PML: variants seen among roughly 807,000 people sequenced by gnomAD.
PML encodes PML nuclear body scaffold, also known as protein PML.
Under a neutral mutation model 65.2 loss-of-function variants are expected in PML, and 28 were observed. That is an observed-to-expected ratio of 0.43 (90% CI 0.32 to 0.59). The LOEUF (loss-of-function observed/expected upper bound fraction) is 0.59. Ranked by LOEUF, PML falls within the 20% of genes least tolerant of loss-of-function variation. The pLI, the probability that PML is intolerant of heterozygous loss-of-function variation, is 0.08. For missense variants in PML, 1,021 were observed against 1,203.4 expected, an observed-to-expected ratio of 0.85 and a Z score of 2.24; for synonymous variants, 500 against 508.8, an observed-to-expected ratio of 0.98 and a Z score of 0.23.
At chr15:74,036,487 G>A (rs1595919268) in intron 7 of PML, 1 of 1,212,136 alleles carries the variant, frequency 8.2e-7, no homozygotes, top group African/African-American at 1.5e-5. Context: ...CTGGAACTCA[G>A]TTCTCCTCTG....
chr15:74,016,122 CA>C (rs1381086965), intron 2 of PML, among the ~76,000 whole-genome samples: 2 of 151,952 alleles, frequency 1.3e-5, no homozygotes, highest in African/African-American at 4.8e-5. Flanking sequence ...ACTAAAAATA[CA>C]AAAATTAGCT....
chr15:74,025,079 A>T (rs1567131563), intron 4 of PML, 152 bp downstream of exon 4: 2 of 656,520 alleles, frequency 3.0e-6, no homozygotes, highest in Non-Finnish European at 5.6e-6. Flanking sequence ...GAAGTAAAGG[A>T]AGACATTAAA....
In PML at chr15:74,033,138, G is replaced by C. The variant is rs1400632985; in HGVS notation, c.1399-18G>C. On this transcript the variant is annotated intron_variant, in intron 5 of 8. Transcript: ENST00000268058. ...CCCTGCAGGCACCTGACCTGGCTCT[G>C]TGACTCCCTCTATGCAGGATGTCTC... 8.1e-6 allele frequency: 13 copies of C among 1,613,698 alleles called. No homozygotes were observed. Among genetic ancestry groups the C allele is most frequent in the Non-Finnish European group, 1.1e-5 (13 of 1,179,908 alleles).
chr15:74,013,074 C>T (rs1329573933), intron 2 of PML, among the ~76,000 whole-genome samples: 1 of 152,066 alleles, frequency 6.6e-6, no homozygotes, highest in African/African-American at 2.4e-5. Context: ...ATTTTTTATT[C>T]TTGAAATTTA....
At position 74,044,384 on chromosome 15, in the gene PML, C is replaced by T. The variant is rs61751123; in HGVS notation, c.2025C>T (p.Ala675=). The change falls in exon 9 of 9, where the codon GCC becomes GCT. Residue 675 remains alanine (A), a synonymous_variant. Coordinates refer to ENST00000268058, the MANE Select transcript of PML (RefSeq NM_033238.3). ...FLSSMRRPIL[A]CYKLWGPGLP... ...GCTCCATGCGCCGCCCTATCTTGGC[C>T]TGCTACAAGCTGTGGGGGCCTGGCC... The T allele has an allele frequency of 0.012, 19,477 of 1,614,222 alleles. 164 individuals carry two copies. Among genetic ancestry groups the T allele is most frequent in the African/African-American group, 0.032 (2,404 of 75,068 alleles).
At chr15:74,018,831 A>G (rs1356915524) in intron 2 of PML, among the ~76,000 whole-genome samples, 1 of 152,210 alleles carries the variant, frequency 6.6e-6, no homozygotes, top group Non-Finnish European at 1.5e-5. Flanking sequence ...AGTATTCCAG[A>G]AGCAAATAGA....
intron 1 of PML, among the ~76,000 whole-genome samples, chr15:73,995,710 T>G (rs1388907302): frequency 2.0e-5 from 3 of 152,152 alleles, no homozygotes; most frequent in African/African-American, 4.8e-5. Flanking sequence ...ACTTTGGTTT[T>G]TTTTTGTTGT....
chr15:74,030,678 A>C (rs1054688961), intron 4 of PML, among the ~76,000 whole-genome samples: 1 of 151,892 alleles, frequency 6.6e-6, no homozygotes, highest in African/African-American at 2.4e-5. Flanking sequence ...AAACGAACAA[A>C]AAACACTAGA....
In PML at chr15:74,043,380, G is replaced by C; in HGVS notation, c.1861+241G>C. ...GCGAGAGAGGCAGATGCCTCCACAA[G>C]TGCACCTCTGACCAGTTCTTCTCTC... is the stretch of plus-strand genomic sequence containing the variant. On this transcript the variant is annotated intron_variant, in intron 8 of 8. Coordinates refer to ENST00000268058, the MANE Select transcript of PML (RefSeq NM_033238.3). This position sits in a 1 kb window ranked among gnomAD's most constrained non-coding sequence, Gnocchi z 4.3. The C allele has an allele frequency of 1.4e-6, 2 of 1,435,786 alleles. No homozygotes were observed. Among genetic ancestry groups the C allele is most frequent in the South Asian group, 3.0e-5 (2 of 66,616 alleles). 88.9% of individuals were successfully genotyped at this position (1,435,786 alleles called of 1,614,324 possible). A position where few individuals can be genotyped will look rare whatever the true frequency, so the allele number is the denominator to read the frequency against.
intron 1 of PML, among the ~76,000 whole-genome samples, chr15:73,997,317 T>G (rs2069556569): frequency 6.6e-6 from 1 of 152,210 alleles, no homozygotes; most frequent in African/African-American, 2.4e-5. Context: ...CAGACCCTAT[T>G]CTCCTGCCTC....
chr15:74,008,385 A>C (rs2070163222), intron 2 of PML, among the ~76,000 whole-genome samples: 2 of 152,136 alleles, frequency 1.3e-5, no homozygotes, highest in Admixed American at 1.3e-4. Context: ...TAATCTTCTC[A>C]CCAGTGACTA....
Position 74,044,729 on chromosome 15 carries a change from G to A in PML, c.2370G>A (p.Leu790=), listed in dbSNP as rs763500341. The A allele has an allele frequency of 6.2e-7, 1 of 1,609,984 alleles. No homozygotes were observed. The highest frequency in any genetic ancestry group is 1.1e-5 in the South Asian group (1 of 91,074). Residue 790 remains leucine (L), a synonymous_variant, in exon 9 of 9, where the codon CTG becomes CTA. Coordinates refer to ENST00000268058, the MANE Select transcript of PML (RefSeq NM_033238.3). ...SLQPLVQAAV[L]PRAEARLLAL... ...AGCCCCTGGTGCAGGCAGCTGTGCTGCCCCGGGCTGAGGCCCGCCTCCTGG... is the reference window on the plus strand; with the variant it reads ...AGCCCCTGGTGCAGGCAGCTGTGCTACCCCGGGCTGAGGCCCGCCTCCTGG...
At chr15:74,011,301 GT>G (rs1282503917) in intron 2 of PML, among the ~76,000 whole-genome samples, 3 of 152,182 alleles carry the variant, frequency 2.0e-5, no homozygotes, top group Non-Finnish European at 4.4e-5. Context: ...GGCTAGGGGG[GT>G]TCTCAGATTA....
chr15:74,027,255 A>C (rs1022433895), intron 4 of PML: 1 of 152,262 alleles, frequency 6.6e-6, no homozygotes, highest in African/African-American at 2.4e-5. Context: ...GCAAATAAAT[A>C]ATATAAAATA....
chr15:74,004,809 C>T (rs2069959140), intron 2 of PML, among the ~76,000 whole-genome samples: 1 of 151,698 alleles, frequency 6.6e-6, no homozygotes, highest in Non-Finnish European at 1.5e-5. Flanking sequence ...CAGGCTCAAG[C>T]AGTTCTCATG....
chr15:74,023,436 G>A (rs902199912), intron 3 of PML, 28 bp downstream of exon 3: 100 of 1,564,724 alleles, frequency 6.4e-5, no homozygotes, highest in Non-Finnish European at 8.5e-5. Flanking sequence ...CTTCCTGGGC[G>A]GCCTGTGCCT....
intron 2 of PML, among the ~76,000 whole-genome samples, chr15:74,014,027 T>A (rs1236148008): frequency 1.3e-5 from 2 of 152,292 alleles, no homozygotes; most frequent in East Asian, 3.9e-4. Context: ...GCTTAAAAAA[T>A]TTCTCACTGC....
chr15:74,009,426 G>A (rs541568481), intron 2 of PML, among the ~76,000 whole-genome samples: 2 of 152,232 alleles, frequency 1.3e-5, no homozygotes, highest in African/African-American at 4.8e-5. Context: ...GCATTACATG[G>A]GCAGAAGAAA....
intron 2 of PML, among the ~76,000 whole-genome samples, chr15:74,001,885 TC>T (rs2069778716): frequency 6.6e-6 from 1 of 152,020 alleles, no homozygotes; most frequent in African/African-American, 2.4e-5. Context: ...ATGCTTGTAG[TC>T]CCAGTTATTT....
Sources: gnomAD v4.1 joint callset for allele counts (sites outside exome capture counted in the v4.1 genomes callset) on GRCh38, gnomAD v4.1.1 for gene constraint, Gnocchi (gnomAD v3.1) non-coding constraint, MANE v1.5 for transcripts, NCBI Gene and HGNC (gene_info 2026-07-23, HGNC 2026-07-21) for gene names.